The following KCTD19 variants were observed in gnomAD, a reference collection of about 807,000 sequenced individuals.
KCTD19 encodes potassium channel tetramerization domain containing 19.
KCTD19 carries 67 observed loss-of-function variants against 103.5 expected under a neutral mutation model. The ratio of observed to expected loss-of-function variants is 0.65; its 90% CI spans 0.53 to 0.79. The LOEUF (loss-of-function observed/expected upper bound fraction) is 0.79, where lower values mean the gene tolerates loss of function less well. Ranked by LOEUF, KCTD19 falls within the 30% of genes least tolerant of loss-of-function variation. The pLI is 0.00. For missense variants in KCTD19, 980 were observed against 1,136.1 expected (o/e 0.86, Z 1.98); for synonymous variants, 439 against 452.2 (o/e 0.97, Z 0.37).
rs2036780158 is a variant in KCTD19 at position 67,297,610 on chromosome 16, T to C, written c.1040A>G (p.Tyr347Cys). 6.2e-7 allele frequency: 1 copy of C among 1,613,908 alleles called. No individual in the cohort carries two copies. The highest frequency in any genetic ancestry group is 8.5e-7 in the Non-Finnish European group (1 of 1,180,006). ...TTTGTCTAGGAAGGCACAGAGCTCA[T>C]ATACCTCGGAAATGGTCTCTGTCAG... ...LPLTETISEV[Y>C]ELCAFLDKRD... The change falls in exon 7 of 16, where the codon TAT becomes TGT. Residue 347 changes from tyrosine (Y) to cysteine (C), a missense_variant. By Grantham distance (194) the Tyr-to-Cys change is radical (BLOSUM62 -2). Transcript: ENST00000304372.
At position 67,323,644 on chromosome 16, in the gene KCTD19, G is replaced by C. The variant is rs943689349; in HGVS notation, c.4-2759C>G. Among the ~76,000 whole-genome samples the C allele has an allele frequency of 4.6e-5, 7 of 152,208 alleles. No individual in the cohort carries two copies. The highest frequency in any genetic ancestry group is 1.4e-4 in the African/African-American group (6 of 41,462). On this transcript the variant is annotated intron_variant, in intron 1 of 15. Coordinates refer to ENST00000304372, the MANE Select transcript of KCTD19 (RefSeq NM_001100915.3). This position sits in a 1 kb window ranked among gnomAD's most constrained non-coding sequence, Gnocchi z 4.1. ...AAATCACATATGATTCCATCCACAT[G>C]CAATGTGTGGACAAGGCAAATTTCT...
chr16:67,296,085 G>T, intron 8 of KCTD19, 74 bp downstream of exon 8: 1 of 878,522 alleles, frequency 1.1e-6, no homozygotes, highest in South Asian at 1.3e-5. Flanking sequence ...CTGTGTGAGG[G>T]CCAGGTGATG....
intron 1 of KCTD19, chr16:67,325,942 A>C (rs1169880651): frequency 1.4e-5 from 2 of 144,116 alleles, no homozygotes; most frequent in Non-Finnish European, 3.0e-5. Context: ...TTTTGAGACA[A>C]GGTCTGGCTC....
At chr16:67,302,571 G>C (rs1281709638) in intron 4 of KCTD19, 1 of 156,798 alleles carries the variant, frequency 6.4e-6, no homozygotes, top group Non-Finnish European at 1.4e-5. Flanking sequence ...AGCTCATCCT[G>C]GGGCAGTAGG....
intron 2 of KCTD19, among the ~76,000 whole-genome samples, chr16:67,314,756 G>A (rs1226108469): frequency 1.4e-5 from 2 of 143,206 alleles, no homozygotes; most frequent in African/African-American, 5.3e-5. Context: ...CAATAAGACT[G>A]TTTCTTTCAC....
intron 2 of KCTD19, among the ~76,000 whole-genome samples, chr16:67,311,159 A>T (rs1422083855): frequency 6.6e-6 from 1 of 152,190 alleles, no homozygotes; most frequent in Non-Finnish European, 1.5e-5. Flanking sequence ...GTGAGGGAGA[A>T]AGACATATGA....
chr16:67,303,108 C>CCGGGG lies in KCTD19; in HGVS notation c.643+37_643+38insCCCCG. 1.3e-6 allele frequency: 1 copy of CCGGGG among 798,078 alleles called. No homozygotes were observed. Among genetic ancestry groups the CCGGGG allele is most frequent in the Non-Finnish European group, 2.1e-6 (1 of 476,660 alleles). 49.4% of individuals were successfully genotyped at this position (798,078 alleles called of 1,614,324 possible). ...ATGGGGAGGGGTGAATGGGCCCTAT[C>CCGGGG]AGCCCGCCCCCCACCCCACCCCGGA... is the stretch of plus-strand genomic sequence containing the variant. On this transcript the variant is annotated intron_variant, in intron 4 of 15. Transcript: ENST00000304372. The surrounding 1 kb of genome is among the most constrained non-coding windows in gnomAD (Gnocchi z 4.3).
At chr16:67,310,032 T>C (rs959033055) in intron 2 of KCTD19, among the ~76,000 whole-genome samples, 11 of 152,194 alleles carry the variant, frequency 7.2e-5, no homozygotes, top group African/African-American at 2.7e-4. Context: ...GGCCCAGGCA[T>C]CGGCCTTGAC....
In KCTD19 at chr16:67,304,565, C is replaced by A; in HGVS notation, c.307G>T (p.Asp103Tyr). ...TGGTGTTTCCCTTCCTTCAGGTTAT[C>A]TAGAGTCTGTTAGATAATGAAGAGT... is the stretch of plus-strand genomic sequence containing the variant. The part of the protein sequence containing the change: ...LQLMPLLQTL[D>Y]NLKEGKHHLR... Residue 103 changes from aspartate (D) to tyrosine (Y), a missense_variant, in exon 3 of 16, where the codon GAT (aspartate) becomes TAT (tyrosine). Asp to Tyr is a radical substitution (Grantham distance 160). Coordinates refer to ENST00000304372, the MANE Select transcript of KCTD19 (RefSeq NM_001100915.3). 1 of 1,613,600 alleles carries A rather than the reference C, an allele frequency of 6.2e-7. No individual in the cohort carries two copies.
At chr16:67,314,830 T>TATAGAGAGAGAGAG (rs1430877802) in intron 2 of KCTD19, among the ~76,000 whole-genome samples, 3 of 33,652 alleles carry the variant, frequency 8.9e-5, no homozygotes, top group Admixed American at 4.9e-4. Context: ...TATATATATA[T>TATAGAGAGAGAGAG]AGAGAGAGAG....
chr16:67,315,492 G>GT (rs2037001853), intron 2 of KCTD19, among the ~76,000 whole-genome samples: 1 of 150,596 alleles, frequency 6.6e-6, no homozygotes. Flanking sequence ...TTTTTTGTTT[G>GT]TTTTTTTGAG....
chr16:67,289,542 G>T lies in KCTD19; in HGVS notation c.*27C>A, dbSNP rs1451415642. ...ATTAAAATGAGACTTGGCGGGTGGG[G>T]CATGAGGGGCTGCATCTCTGGGCAC... On this transcript the variant is annotated 3_prime_UTR_variant, in exon 16 of 16. Transcript: ENST00000304372. 1 of 1,384,654 alleles carries T rather than the reference G, an allele frequency of 7.2e-7. No homozygotes were observed. The highest frequency in any genetic ancestry group is 1.7e-5 in the Admixed American group (1 of 59,526). 85.8% of individuals were successfully genotyped at this position (1,384,654 alleles called of 1,614,324 possible).
At chr16:67,299,268 C>T in intron 6 of KCTD19, 95 bp downstream of exon 6, 2 of 1,138,268 alleles carry the variant, frequency 1.8e-6, no homozygotes, top group Non-Finnish European at 2.6e-6. Context: ...GGACACACTT[C>T]ACCTCTGGCT....
chr16:67,291,274 A>G lies in KCTD19; in HGVS notation c.2565+35T>C, dbSNP rs761428939. 10 of 1,601,400 alleles carry G rather than the reference A, an allele frequency of 6.2e-6. No individual in the cohort carries two copies. The South Asian group carries it at 1.1e-4, about 18-fold the overall frequency. ...GCAGGGGAAGAGGTGGAGAAGGTAC[A>G]GGGTGCCCCAGGGCCTGAGGCCTGT... is the stretch of plus-strand genomic sequence containing the variant. On this transcript the variant is annotated intron_variant, in intron 14 of 15. Transcript: ENST00000304372.
At chr16:67,291,054 C>A in intron 14 of KCTD19, 68 bp from the exon 15 acceptor site, 1 of 1,519,644 alleles carries the variant, frequency 6.6e-7, no homozygotes, top group Non-Finnish European at 9.0e-7. Flanking sequence ...AGATGCAGAG[C>A]GGGGACTTCT....
intron 5 of KCTD19, 26 bp from the exon 6 acceptor site, chr16:67,299,599 C>T (rs749874924): frequency 5.7e-6 from 9 of 1,582,890 alleles, no homozygotes; most frequent in Non-Finnish European, 7.8e-6. Context: ...AGGGGTGACT[C>T]CTAGGCCCCC....
At chr16:67,302,907 A>C (rs1419932063) in intron 4 of KCTD19, 4 of 517,740 alleles carry the variant, frequency 7.7e-6, no homozygotes, top group Non-Finnish European at 1.4e-5. Flanking sequence ...AGTGCCTGAC[A>C]CTTTTACAGC....
Position 67,295,336 on chromosome 16 carries a change from C to T in KCTD19, c.1318G>A (p.Gly440Arg), listed in dbSNP as rs760553404. The T allele has an allele frequency of 3.7e-6, 6 of 1,614,088 alleles. No homozygotes were observed. Among genetic ancestry groups the T allele is most frequent in the South Asian group, 3.3e-5 (3 of 91,072 alleles). The stretch of plus-strand genomic sequence containing the variant: ...ATGTGTCGGAACATCTGGCCATCCC[C>T]GTGGATGAGCAGGGTTTGTCCATAT... ...ITYGQTLLIHGDGQMFRHILN... is the reference protein window; with the variant it reads ...ITYGQTLLIHRDGQMFRHILN... Residue 440 changes from glycine (G) to arginine (R), a missense_variant, in exon 9 of 16, where the codon GGG becomes AGG. Coordinates refer to ENST00000304372, the MANE Select transcript of KCTD19 (RefSeq NM_001100915.3).
In KCTD19 at chr16:67,297,624, G is replaced by A. The variant is rs759991360; in HGVS notation, c.1026C>T (p.Thr342=). ...LGTCRLPLTE[T]ISEVYELCAF... is the part of the protein sequence containing the mutation. ...CACAGAGCTCATATACCTCGGAAAT[G>A]GTCTCTGTCAGGGGCAGCCGGCAAG... Residue 342 remains threonine, a synonymous_variant, in exon 7 of 16, where the codon ACC becomes ACT. Transcript: ENST00000304372. The A allele has an allele frequency of 6.2e-6, 10 of 1,614,074 alleles. No individual in the cohort carries two copies. The East Asian group carries it at 1.3e-4, about 22-fold the overall frequency.
Sources: gnomAD v4.1 joint callset for allele counts (sites outside exome capture counted in the v4.1 genomes callset) on GRCh38, gnomAD v4.1.1 for gene constraint, Gnocchi (gnomAD v3.1) non-coding constraint, MANE v1.5 for transcripts, NCBI Gene and HGNC (gene_info 2026-07-23, HGNC 2026-07-21) for gene names.